The following DAB1 variants were observed in gnomAD, a reference collection of about 807,000 sequenced individuals.
DAB1 encodes disabled homolog 1.
In DAB1, 15 loss-of-function variants were observed where a neutral mutation model predicts 64.6. That is an observed-to-expected ratio of 0.23 (90% confidence interval 0.16 to 0.36). The LOEUF is 0.36. Among genes scored for constraint, DAB1 ranks in the 10% least tolerant of loss-of-function variants. DAB1 has a pLI of 1.00. For missense variants in DAB1, 596 were observed against 706.7 expected (o/e 0.84, Z 1.78); for synonymous variants, 235 against 251.9 (o/e 0.93, Z 0.64).
chr1:57,873,754 A>G (rs1300765768), intron 1 of DAB1, among the ~76,000 whole-genome samples: 1 of 152,260 alleles, frequency 6.6e-6, no homozygotes, highest in East Asian at 1.9e-4. Context: ...GGACAATAAG[A>G]GTATTCGTCT....
chr1:57,553,505 G>GAAGGAAGGAAGGAAGGGAGA (rs57000232), intron 7 of DAB1, among the ~76,000 whole-genome samples: 1 of 120,396 alleles, frequency 8.3e-6, no homozygotes, highest in South Asian at 3.2e-4. Flanking sequence ...AGGAAGGAAG[G>GAAGGAAGGAAGGAAGGGAGA]AAGAGAGAGA....
intron 11 of DAB1, among the ~76,000 whole-genome samples, chr1:57,020,684 T>G (rs992041157): frequency 8.5e-5 from 13 of 152,228 alleles, no homozygotes; most frequent in African/African-American, 3.1e-4. Flanking sequence ...TACAGCATAT[T>G]CTACACTAAA....
At chr1:57,667,522 A>T (rs890219340) in intron 6 of DAB1, among the ~76,000 whole-genome samples, 14 of 152,090 alleles carry the variant, frequency 9.2e-5, no homozygotes, top group African/African-American at 3.1e-4. Context: ...TGTTTTGTGT[A>T]CTGCCATGTC....
intron 7 of DAB1, among the ~76,000 whole-genome samples, chr1:57,564,862 C>G (rs1645098545): frequency 6.6e-6 from 1 of 152,160 alleles, no homozygotes; most frequent in Non-Finnish European, 1.5e-5. Context: ...AGGATATTAT[C>G]TAGGAGAACT....
At chr1:57,434,614 C>A (rs1321441610) in intron 7 of DAB1, among the ~76,000 whole-genome samples, 2 of 152,114 alleles carry the variant, frequency 1.3e-5, no homozygotes, top group Non-Finnish European at 2.9e-5. Context: ...CTGAGAAATG[C>A]GTCATTAGGC....
At chr1:58,521,272 C>G (rs575814149) in intron 2 of DAB1, among the ~76,000 whole-genome samples, 7 of 151,092 alleles carry the variant, frequency 4.6e-5, no homozygotes, top group African/African-American at 1.7e-4. Flanking sequence ...ACCCTTGCAA[C>G]ATGACAAGTA....
At chr1:57,848,169 C>T (rs1262101733) in intron 1 of DAB1, among the ~76,000 whole-genome samples, 1 of 152,156 alleles carries the variant, frequency 6.6e-6, no homozygotes, top group Non-Finnish European at 1.5e-5. Context: ...CATTGACCAT[C>T]CAAAGTGATC....
chr1:57,978,708 A>G (rs1168743828), intron 5 of DAB1, among the ~76,000 whole-genome samples: 3 of 152,216 alleles, frequency 2.0e-5, no homozygotes, highest in Non-Finnish European at 4.4e-5. Context: ...AAGAACTTAA[A>G]CAAATTTACA....
intron 1 of DAB1, chr1:58,530,780 T>A: frequency 1.2e-6 from 1 of 832,672 alleles, no homozygotes; most frequent in Non-Finnish European, 2.1e-6. Context: ...TGAGACAGTA[T>A]ATGCTTACAT....
chr1:58,360,384 G>T (rs1644153629), intron 3 of DAB1, among the ~76,000 whole-genome samples: 1 of 152,142 alleles, frequency 6.6e-6, no homozygotes, highest in South Asian at 2.1e-4. Flanking sequence ...CACATTTGTG[G>T]ATGTGAAGGC....
rs1179914366 is a variant in DAB1, at chr1:57,791,647, T to G, written n.551+92352A>C. Among the ~76,000 whole-genome samples, 3 of 152,122 alleles carry G rather than the reference T, an allele frequency of 2.0e-5. No homozygotes were observed. In the East Asian group the frequency reaches 5.8e-4, roughly 29 times the overall value. On this transcript the variant is annotated intron_variant and non_coding_transcript_variant, in intron 6 of 20. Coordinates refer to the DAB1 transcript ENST00000485760. ...AAGCCATGTAAAGCACCTATCACAG[T>G]GCCCAGCAGGTAATTTCTTTTCAAC...
intron 5 of DAB1, among the ~76,000 whole-genome samples, chr1:57,955,595 T>C (rs1164737798): frequency 6.6e-6 from 1 of 152,128 alleles, no homozygotes; most frequent in African/African-American, 2.4e-5. Context: ...GAAGTTGGAA[T>C]AATACGATAT....
intron 2 of DAB1, among the ~76,000 whole-genome samples, chr1:57,241,378 T>G (rs1668482847): frequency 6.6e-6 from 1 of 152,212 alleles, no homozygotes; most frequent in Non-Finnish European, 1.5e-5. Context: ...ATCAGTGTCT[T>G]TCTAATTGAG....
intron 6 of DAB1, among the ~76,000 whole-genome samples, chr1:57,818,920 A>G (rs1292747134): frequency 2.6e-5 from 4 of 152,218 alleles, no homozygotes; most frequent in Non-Finnish European, 5.9e-5. Context: ...CTCTTCAATT[A>G]TACAACTCTA....
intron 5 of DAB1, among the ~76,000 whole-genome samples, chr1:58,060,818 C>G (rs1475482333): frequency 2.0e-5 from 3 of 152,266 alleles, no homozygotes; most frequent in African/African-American, 7.2e-5. Flanking sequence ...CCATGATTAC[C>G]TTTGCTCACA....
intron 12 of DAB1, among the ~76,000 whole-genome samples, chr1:57,012,405 T>C (rs1033529803): frequency 2.6e-5 from 4 of 152,294 alleles, no homozygotes; most frequent in African/African-American, 9.6e-5. Context: ...GATGGAGAAA[T>C]TGCAGCTCAG....
At chr1:57,749,802 GA>G (rs1648469064) in intron 6 of DAB1, among the ~76,000 whole-genome samples, 1 of 152,162 alleles carries the variant, frequency 6.6e-6, no homozygotes, top group Admixed American at 6.5e-5. Flanking sequence ...CCAAAGCCAA[GA>G]AGTGGACTTG....
At chr1:57,407,441 C>A (rs906172192) in intron 1 of DAB1, among the ~76,000 whole-genome samples, 1 of 152,172 alleles carries the variant, frequency 6.6e-6, no homozygotes, top group Non-Finnish European at 1.5e-5. Flanking sequence ...ATGTCCTTTA[C>A]AAAGGGAAGA....
intron 6 of DAB1, among the ~76,000 whole-genome samples, chr1:57,727,754 T>TTCCTTCCTTCCTTCCTTCCC (rs1307222077): frequency 6.6e-6 from 1 of 151,810 alleles, no homozygotes; most frequent in East Asian, 1.9e-4. Flanking sequence ...CCTTCCTTCC[T>TTCCTTCCTTCCTTCCTTCCC]TCCTCTCTTC....
Sources: gnomAD v4.1 joint callset for allele counts (sites outside exome capture counted in the v4.1 genomes callset) on GRCh38, gnomAD v4.1.1 for gene constraint, MANE v1.5 for transcripts, NCBI Gene and HGNC (gene_info 2026-07-23, HGNC 2026-07-21) for gene names.